ATP1B2: variants seen among roughly 807,000 people sequenced by gnomAD.
The protein encoded by ATP1B2 is sodium/potassium-transporting ATPase subunit beta-2.
ATP1B2 carries 12 observed loss-of-function variants against 37.3 expected under a neutral mutation model. The ratio of observed to expected loss-of-function variants is 0.32; its 90% CI spans 0.21 to 0.52. The LOEUF is 0.52. Among genes scored for constraint, ATP1B2 ranks in the 20% least tolerant of loss-of-function variants. The pLI, the probability that ATP1B2 is intolerant of heterozygous loss-of-function variation, is 0.96. For missense variants in ATP1B2, 324 were observed against 391.6 expected (o/e 0.83, Z 1.46); for synonymous variants, 139 against 140.5 (o/e 0.99, Z 0.07).
At position 7,651,617 on chromosome 17, in the gene ATP1B2, C is replaced by T. The variant is rs1597334175; in HGVS notation, c.99C>T (p.Thr33=). Residue 33 remains threonine (T), a synonymous_variant, in exon 1 of 7, where the codon ACC becomes ACT. Transcript: ENST00000250111. ...NPRTHQFMGR[T]GTSWAFILLF... ...GGACGCACCAGTTTATGGGCCGCAC[C>T]GGGACCAGCTGGGGTACGCAGGGCC... The T allele has an allele frequency of 3.1e-6, 5 of 1,601,232 alleles. No individual in the cohort carries two copies. Among genetic ancestry groups the T allele is most frequent in the Non-Finnish European group, 4.3e-6 (5 of 1,174,428 alleles).
chr17:7,649,780 G>A (rs1171105759), upstream of ATP1B2, among the ~76,000 whole-genome samples: 1 of 151,486 alleles, frequency 6.6e-6, no homozygotes, highest in Non-Finnish European at 1.5e-5. Context: ...GGATGGTCTC[G>A]ATCTCCTGAC....
At chr17:7,649,847 C>T (rs1393270986), upstream of ATP1B2, among the ~76,000 whole-genome samples, 1 of 152,076 alleles carries the variant, frequency 6.6e-6, no homozygotes, top group Non-Finnish European at 1.5e-5. Flanking sequence ...CGTGAGCCAC[C>T]GCGCCTGGCC....
At position 7,655,819 on chromosome 17, in the gene ATP1B2, C is replaced by T. The variant is rs2072647082; in HGVS notation, c.797C>T (p.Ala266Val). 41 of 1,614,030 alleles carry T rather than the reference C, an allele frequency of 2.5e-5. No individual in the cohort carries two copies. Among genetic ancestry groups the T allele is most frequent in the Non-Finnish European group, 3.3e-5 (39 of 1,180,030 alleles). The change falls in exon 7 of 7, where the codon GCC (alanine) becomes GTC (valine). Residue 266 changes from alanine (A) to valine (V), a missense_variant. Transcript: ENST00000250111. The surrounding 1 kb of genome is among the most constrained non-coding windows in gnomAD (Gnocchi z 4.4). ...EVNVECRINA[A>V]NIATDDERDK... ...AATGTAGAATGTCGCATCAACGCCG[C>T]CAACATCGCCACAGACGATGAGCGA...
At chr17:7,653,547 T>G in intron 2 of ATP1B2, 45 bp downstream of exon 2, 1 of 1,608,768 alleles carries the variant, frequency 6.2e-7, no homozygotes, top group Non-Finnish European at 8.5e-7. Flanking sequence ...ACTGCTCTTG[T>G]GCCCCCAAAC....
In ATP1B2 at chr17:7,655,576, A is replaced by G. The variant is rs769004384; in HGVS notation, c.659A>G (p.Asn220Ser). ...NLGNFVMFPA[N>S]GNIDLMYFPY... is the part of the protein sequence containing the mutation. Reference sequence around the variant, plus strand: ...GGCAACTTCGTCATGTTCCCCGCCAACGGCAACATCGACCTCATGTACTTC... The same window carrying G: ...GGCAACTTCGTCATGTTCCCCGCCAGCGGCAACATCGACCTCATGTACTTC... The change falls in exon 6 of 7, where the codon AAC becomes AGC. Residue 220 changes from asparagine to serine, a missense_variant. Coordinates refer to ENST00000250111, the MANE Select transcript of ATP1B2 (RefSeq NM_001678.5). The surrounding 1 kb of genome is among the most constrained non-coding windows in gnomAD (Gnocchi z 4.4). The G allele has an allele frequency of 3.7e-6, 6 of 1,614,180 alleles. No individual in the cohort carries two copies. In the Admixed American group the frequency reaches 1.0e-4, roughly 27 times the overall value.
At position 7,654,084 on chromosome 17, in the gene ATP1B2, G is replaced by A; in HGVS notation, c.379G>A (p.Asp127Asn). 1 of 1,614,196 alleles carries A rather than the reference G, an allele frequency of 6.2e-7. No homozygotes were observed. Among genetic ancestry groups the A allele is most frequent in the Non-Finnish European group, 8.5e-7 (1 of 1,180,044 alleles). The change falls in exon 4 of 7, where the codon GAT (aspartate) becomes AAT (asparagine). Residue 127 changes from aspartate (D) to asparagine (N), a missense_variant. Physicochemically the swap from Asp to Asn is conservative, Grantham distance 23. Transcript: ENST00000250111. The surrounding 1 kb of genome is among the most constrained non-coding windows in gnomAD (Gnocchi z 4.9). ...CGACTCTATCCAAGCCCAAAAGAAT[G>A]ATGTCTGCCGCCCTGGACGCTATTA... ...YNDSIQAQKN[D>N]VCRPGRYYEQ...
rs2072611564 is a variant in ATP1B2 at position 7,651,432 on chromosome 17, T to TTGGG, written c.-84_-81dup. The TTGGG allele has an allele frequency of 8.2e-7, 1 of 1,221,128 alleles. No homozygotes were observed. Among genetic ancestry groups the TTGGG allele is most frequent in the Non-Finnish European group, 1.2e-6 (1 of 856,282 alleles). 75.6% of individuals were successfully genotyped at this position (1,221,128 alleles called of 1,614,324 possible). A position where few individuals can be genotyped will look rare whatever the true frequency, so the allele number is the denominator to read the frequency against. The stretch of plus-strand genomic sequence containing the variant: ...CGCGCCGCCTTCGCTCCCCGTGCTT[T>TTGGG]TGGGTGTGTGGAGGGCTTCAGCGCG... On this transcript the variant is annotated 5_prime_UTR_variant, in exon 1 of 7. Transcript: ENST00000250111.
intron 1 of ATP1B2, 81 bp downstream of exon 1, chr17:7,651,711 C>T (rs1204132930): frequency 1.6e-6 from 2 of 1,265,700 alleles, no homozygotes; most frequent in Non-Finnish European, 2.1e-6. Flanking sequence ...CGACGCGGCC[C>T]CAGCTCCCCT....
rs970578141 is a variant in ATP1B2 at position 7,656,214 on chromosome 17, C to T, written c.*319C>T. 3.2e-5 allele frequency: 12 copies of T among 369,394 alleles called. No homozygotes were observed. The highest frequency in any genetic ancestry group is 5.6e-5 in the Non-Finnish European group (11 of 197,108). The allele number at this position is 369,394 out of a possible 1,614,324, so 22.9% of individuals were successfully genotyped here. ...ATCCACTCTCCTGCCTGCATATCCC[C>T]TGAGAGTTATAGGAAGTGCCCACTG... On this transcript the variant is annotated 3_prime_UTR_variant, in exon 7 of 7. Transcript: ENST00000250111.
chr17:7,652,001 C>T (rs961081370), intron 1 of ATP1B2, among the ~76,000 whole-genome samples: 1 of 152,278 alleles, frequency 6.6e-6, no homozygotes, highest in Non-Finnish European at 1.5e-5. Context: ...AGCTCCGCAG[C>T]CCCGTCTATT....
At position 7,654,057 on chromosome 17, in the gene ATP1B2, A is replaced by G. The variant is rs1052190576; in HGVS notation, c.352A>G (p.Asn118Asp). 3.2e-5 allele frequency: 50 copies of G among 1,562,758 alleles called. No homozygotes were observed. The highest frequency in any genetic ancestry group is 4.2e-5 in the Non-Finnish European group (48 of 1,144,514). Residue 118 changes from asparagine (N) to aspartate (D), a missense_variant, in exon 4 of 7, where the codon AAC (asparagine) becomes GAC (aspartate). Physicochemically the swap from Asn to Asp is conservative, Grantham distance 23 (BLOSUM62 1). Transcript: ENST00000250111. This position sits in a 1 kb window ranked among gnomAD's most constrained non-coding sequence, Gnocchi z 4.9. The part of the protein sequence containing the change: ...QKLNKFLEPY[N>D]DSIQAQKNDV... ...TCTCCCTCCCACCTCTTTAGCTTACAACGACTCTATCCAAGCCCAAAAGAA... is the reference window on the plus strand; with the variant it reads ...TCTCCCTCCCACCTCTTTAGCTTACGACGACTCTATCCAAGCCCAAAAGAA...
upstream of ATP1B2, among the ~76,000 whole-genome samples, chr17:7,650,369 G>A (rs1253023685): frequency 6.6e-6 from 1 of 152,132 alleles, no homozygotes; most frequent in African/African-American, 2.4e-5. Flanking sequence ...ATTGGAGAAG[G>A]AGGCGTCTGG....
chr17:7,655,399 G>C lies in ATP1B2; in HGVS notation c.610-128G>C. ...ACACACACACAGACTCACAGCTCCA[G>C]GGAGGCAGACTTGAGACAGGAATAA... is the stretch of plus-strand genomic sequence containing the variant. On this transcript the variant is annotated intron_variant, in intron 5 of 6. Coordinates refer to ENST00000250111, the MANE Select transcript of ATP1B2 (RefSeq NM_001678.5). The surrounding 1 kb of genome is among the most constrained non-coding windows in gnomAD (Gnocchi z 4.4). The C allele has an allele frequency of 3.6e-6, 3 of 842,366 alleles. No homozygotes were observed. The highest frequency in any genetic ancestry group is 5.7e-6 in the Non-Finnish European group (3 of 526,210). The allele number at this position is 842,366 out of a possible 1,614,324, so 52.2% of individuals were successfully genotyped here. A position where few individuals can be genotyped will look rare whatever the true frequency, so the allele number is the denominator to read the frequency against.
At position 7,654,161 on chromosome 17, in the gene ATP1B2, C is replaced by T. The variant is rs372215828; in HGVS notation, c.456C>T (p.Phe152=). The T allele has an allele frequency of 2.5e-6, 4 of 1,614,102 alleles. No homozygotes were observed. The highest frequency in any genetic ancestry group is 3.4e-6 in the Non-Finnish European group (4 of 1,180,048). ...ACTACCCCAAACGTGCCTGCCAATTCAACCGGACCCAGCTGGGCAACTGCT... is the reference window on the plus strand; with the variant it reads ...ACTACCCCAAACGTGCCTGCCAATTTAACCGGACCCAGCTGGGCAACTGCT... The part of the protein sequence containing the change: ...VLNYPKRACQ[F]NRTQLGNCSG... The change falls in exon 4 of 7, where the codon TTC becomes TTT. Residue 152 remains phenylalanine (F), a synonymous_variant. Transcript: ENST00000250111. The surrounding 1 kb of genome is among the most constrained non-coding windows in gnomAD (Gnocchi z 4.9).
Position 7,655,838 on chromosome 17 carries a change from TGAGC to T in ATP1B2, c.820_823del (p.Arg274ThrfsTer35). 1 of 1,614,150 alleles carries T rather than the reference TGAGC, an allele frequency of 6.2e-7. No homozygotes were observed. The highest frequency in any genetic ancestry group is 8.5e-7 in the Non-Finnish European group (1 of 1,180,038). ...ACGCCGCCAACATCGCCACAGACGA[TGAGC>T]GAGACAAGTTCGCCGGCCGCGTGGC... On this transcript the variant is annotated frameshift_variant, in exon 7 of 7. Transcript: ENST00000250111. LOFTEE classifies it high-confidence loss of function. The surrounding 1 kb of genome is among the most constrained non-coding windows in gnomAD (Gnocchi z 4.4).
At position 7,655,628 on chromosome 17, in the gene ATP1B2, A is replaced by G. The variant is rs1385823700; in HGVS notation, c.708+3A>G. ...CCTACTATGGCAAAAAGTTCCACGT[A>G]AGTCCCAGGGGAGGCCCAGGCTGAT... On this transcript the variant is annotated splice_donor_region_variant and intron_variant, in intron 6 of 6. Coordinates refer to ENST00000250111, the MANE Select transcript of ATP1B2 (RefSeq NM_001678.5). The surrounding 1 kb of genome is among the most constrained non-coding windows in gnomAD (Gnocchi z 4.4). 14 of 1,614,024 alleles carry G rather than the reference A, an allele frequency of 8.7e-6. No individual in the cohort carries two copies. Among genetic ancestry groups the G allele is most frequent in the African/African-American group, 1.3e-5 (1 of 74,902 alleles).
At position 7,655,432 on chromosome 17, in the gene ATP1B2, G is replaced by A; in HGVS notation, c.610-95G>A. 5 of 1,242,286 alleles carry A rather than the reference G, an allele frequency of 4.0e-6. No individual in the cohort carries two copies. The highest frequency in any genetic ancestry group is 1.8e-5 in the Admixed American group (1 of 54,442). 77.0% of individuals were successfully genotyped at this position (1,242,286 alleles called of 1,614,324 possible). ...GACTTGAGACAGGAATAATTGGGGC[G>A]AAGGAAGAACAAAAGAACAAATGGA... On this transcript the variant is annotated intron_variant, in intron 5 of 6. Transcript: ENST00000250111. This position sits in a 1 kb window ranked among gnomAD's most constrained non-coding sequence, Gnocchi z 4.4.
In ATP1B2 at chr17:7,654,348, G is replaced by T. The variant is rs2072635566; in HGVS notation, c.552+91G>T. ...TGCATCCTTTCACTGGGGCTAATGGGCATGAGAAAGACTTGGATGTTTGTG... is the reference window on the plus strand; with the variant it reads ...TGCATCCTTTCACTGGGGCTAATGGTCATGAGAAAGACTTGGATGTTTGTG... On this transcript the variant is annotated intron_variant, in intron 4 of 6. Transcript: ENST00000250111. This position sits in a 1 kb window ranked among gnomAD's most constrained non-coding sequence, Gnocchi z 4.9. The T allele has an allele frequency of 1.4e-6, 2 of 1,405,382 alleles. No individual in the cohort carries two copies. Among genetic ancestry groups the T allele is most frequent in the African/African-American group, 1.4e-5 (1 of 70,586 alleles). 87.1% of individuals were successfully genotyped at this position (1,405,382 alleles called of 1,614,324 possible).
chr17:7,653,305 G>A (rs183768284), intron 1 of ATP1B2, 69 bp from the exon 2 acceptor site: 25 of 1,603,164 alleles, frequency 1.6e-5, no homozygotes, highest in Middle Eastern at 1.7e-4. Context: ...TGGGTAGAGG[G>A]GTGTGTGGGG....
Sources: allele counts gnomAD v4.1 joint callset (sites outside exome capture counted in the v4.1 genomes callset), GRCh38; gene constraint gnomAD v4.1.1; non-coding constraint Gnocchi (gnomAD v3.1); transcripts MANE v1.5; gene names NCBI Gene and HGNC (gene_info 2026-07-23, HGNC 2026-07-21).